Variants in CACNB4 observed in about 807,000 individuals in gnomAD.
The protein encoded by CACNB4 is calcium voltage-gated channel auxiliary subunit beta 4.
In CACNB4, 32 loss-of-function variants were observed where a neutral mutation model predicts 71.2. That is an observed-to-expected ratio of 0.45 (90% CI 0.34 to 0.60). The LOEUF (loss-of-function observed/expected upper bound fraction) is 0.60. Among genes scored for constraint, CACNB4 ranks in the 20% least tolerant of loss-of-function variants. The probability of loss-of-function intolerance (pLI) is 0.01; values close to 1 mark genes in which losing one functional copy is unlikely to be tolerated. For missense variants in CACNB4, 464 were observed against 647.9 expected (o/e 0.72, Z 3.08); for synonymous variants, 231 against 236.9 (o/e 0.97, Z 0.23).
At chr2:152,041,611 G>A (rs375766314) in intron 2 of CACNB4, among the ~76,000 whole-genome samples, 1 of 152,104 alleles carries the variant, frequency 6.6e-6, no homozygotes, top group African/African-American at 2.4e-5. Context: ...AGAAACTGCA[G>A]GAAGAAAGAA....
intron 2 of CACNB4, among the ~76,000 whole-genome samples, chr2:151,974,771 G>A (rs1421676291): frequency 6.8e-6 from 1 of 147,466 alleles, no homozygotes; most frequent in Non-Finnish European, 1.5e-5. Flanking sequence ...CATTGCAGCA[G>A]CCTGGGATGA....
chr2:151,843,872 CT>C (rs1310857630), intron 12 of CACNB4, among the ~76,000 whole-genome samples: 1 of 152,172 alleles, frequency 6.6e-6, no homozygotes, highest in African/African-American at 2.4e-5. Flanking sequence ...AACAATCTCT[CT>C]CCCAACATTT....
At chr2:151,947,458 G>A (rs972207448) in intron 2 of CACNB4, among the ~76,000 whole-genome samples, 10 of 152,122 alleles carry the variant, frequency 6.6e-5, no homozygotes, top group South Asian at 4.2e-4. Context: ...AGTGGGGGAC[G>A]GGATTCTATT....
rs185543682 is a variant in CACNB4 at position 152,054,500 on chromosome 2, C to T, written c.147+43830G>A. Reference sequence around the variant, plus strand: ...CAACTGATGACCATTTGGGTTGTTTCCTTTTTTGTCTATTACGAATAATGC... The same window carrying T: ...CAACTGATGACCATTTGGGTTGTTTTCTTTTTTGTCTATTACGAATAATGC... On this transcript the variant is annotated intron_variant, in intron 2 of 13. Coordinates refer to ENST00000539935, the MANE Select transcript of CACNB4 (RefSeq NM_000726.5). Among the ~76,000 whole-genome samples, 37 of 151,942 alleles carry T rather than the reference C, an allele frequency of 2.4e-4. No individual in the cohort carries two copies. In the East Asian group the frequency reaches 6.0e-3, roughly 25 times the overall value.
At chr2:151,859,834 C>T (rs988600462) in intron 10 of CACNB4, 8 of 152,190 alleles carry the variant, frequency 5.3e-5, no homozygotes, top group Non-Finnish European at 1.2e-4. Flanking sequence ...ATCTTTGGCT[C>T]AAGGTCAGTG....
At chr2:151,884,564 G>A (rs1377059535) in intron 2 of CACNB4, among the ~76,000 whole-genome samples, 2 of 149,296 alleles carry the variant, frequency 1.3e-5, no homozygotes, top group Non-Finnish European at 3.0e-5. Context: ...GAACCCCGGA[G>A]GCGGAGCTTG....
chr2:152,089,478 G>C, intron 2 of CACNB4, among the ~76,000 whole-genome samples: 1 of 152,184 alleles, frequency 6.6e-6, no homozygotes. Flanking sequence ...GCCTACACCA[G>C]GCTCACCCCA....
At chr2:152,087,482 G>A (rs896147171) in intron 2 of CACNB4, among the ~76,000 whole-genome samples, 1 of 149,084 alleles carries the variant, frequency 6.7e-6, no homozygotes, top group Non-Finnish European at 1.5e-5. Flanking sequence ...TCAGCTTTAT[G>A]AGCTGAGACT....
At chr2:152,070,669 T>G (rs1356200342) in intron 2 of CACNB4, among the ~76,000 whole-genome samples, 1 of 152,170 alleles carries the variant, frequency 6.6e-6, no homozygotes, top group Non-Finnish European at 1.5e-5. Flanking sequence ...AAAAGGAAGT[T>G]GGGAAAGAGA....
chr2:151,916,377 A>T (rs2099857539), intron 2 of CACNB4, among the ~76,000 whole-genome samples: 1 of 152,218 alleles, frequency 6.6e-6, no homozygotes, highest in African/African-American at 2.4e-5. Context: ...ATATCAAAAA[A>T]GATATAAATT....
At chr2:151,861,326 T>C (rs2099841585) in intron 9 of CACNB4, 1 of 153,856 alleles carries the variant, frequency 6.5e-6, no homozygotes, top group African/African-American at 2.4e-5. Context: ...CTGCATTCTT[T>C]TGTGATACAC....
intron 2 of CACNB4, among the ~76,000 whole-genome samples, chr2:152,007,072 C>T (rs867005527): frequency 3.9e-5 from 6 of 152,226 alleles, no homozygotes; most frequent in South Asian, 4.1e-4. Context: ...TACTTTGTGC[C>T]GGCAAGTCAC....
At chr2:151,917,167 A>G (rs2099857741) in intron 2 of CACNB4, among the ~76,000 whole-genome samples, 1 of 152,222 alleles carries the variant, frequency 6.6e-6, no homozygotes, top group Non-Finnish European at 1.5e-5. Flanking sequence ...AATGTTAAAC[A>G]ATATGTATAA....
rs2099872013 is a variant in CACNB4, at chr2:151,969,671, A to C, written c.148-86301T>G. 4.6e-5 allele frequency: 7 copies of C among 152,218 alleles called. No individual in the cohort carries two copies. In the South Asian group the frequency reaches 1.4e-3, roughly 32 times the overall value. 9.4% of individuals were successfully genotyped at this position (152,218 alleles called of 1,614,324 possible). On this transcript the variant is annotated intron_variant, in intron 2 of 13. Transcript: ENST00000539935. ...TACGCATGCATGCAGAGGTGCACAG[A>C]CATTGAGACAAACATACATAGTTCC... is the stretch of plus-strand genomic sequence containing the variant.
chr2:151,839,812 C>G (rs988780486), intron 13 of CACNB4, among the ~76,000 whole-genome samples: 4 of 152,126 alleles, frequency 2.6e-5, no homozygotes, highest in Non-Finnish European at 5.9e-5. Flanking sequence ...ACACACCTCA[C>G]CTTGATCTAA....
At chr2:152,070,826 G>A (rs1686643633) in intron 2 of CACNB4, among the ~76,000 whole-genome samples, 1 of 152,186 alleles carries the variant, frequency 6.6e-6, no homozygotes. Flanking sequence ...GGAGTGCAGT[G>A]GCACACTCTT....
chr2:151,921,743 T>C (rs1390985291), intron 2 of CACNB4, among the ~76,000 whole-genome samples: 1 of 152,206 alleles, frequency 6.6e-6, no homozygotes, highest in Non-Finnish European at 1.5e-5. Context: ...GATTGGATTA[T>C]GGGGCTGATT....
intron 2 of CACNB4, chr2:151,974,021 C>T (rs1310687671): frequency 8.9e-7 from 1 of 1,119,418 alleles, no homozygotes; most frequent in Admixed American, 4.6e-5. Flanking sequence ...TTCCCTGCTT[C>T]AGTCAGCTGA....
chr2:152,029,874 C>T (rs1684185807), intron 2 of CACNB4, among the ~76,000 whole-genome samples: 1 of 152,214 alleles, frequency 6.6e-6, no homozygotes, highest in South Asian at 2.1e-4. Flanking sequence ...TCTACCAACA[C>T]CTTGATCTCG....
Sources: gnomAD v4.1 joint callset for allele counts (sites outside exome capture counted in the v4.1 genomes callset) on GRCh38, gnomAD v4.1.1 for gene constraint, MANE v1.5 for transcripts, NCBI Gene and HGNC (gene_info 2026-07-23, HGNC 2026-07-21) for gene names.